PLAA: variants seen among roughly 807,000 people sequenced by gnomAD.
The protein encoded by PLAA is phospholipase A-2-activating protein.
A neutral mutation model predicts 84.1 loss-of-function variants in PLAA; 48 were observed. The observed-to-expected ratio is 0.57, with a 90% CI of 0.45 to 0.73. The LOEUF is 0.73. PLAA is among the 30% of genes least tolerant of loss of function. The pLI, the probability that PLAA is intolerant of heterozygous loss-of-function variation, is 0.00. For synonymous variants in PLAA, 392 were observed against 336.6 expected, an observed-to-expected ratio of 1.16 and a Z score of -1.80; for missense variants, 903 against 954.7, an observed-to-expected ratio of 0.95 and a Z score of 0.71.
chr9:26,935,565 A>G (rs1825331903), intron 1 of PLAA, among the ~76,000 whole-genome samples: 1 of 152,196 alleles, frequency 6.6e-6, no homozygotes, highest in African/African-American at 2.4e-5. Context: ...CGAAACATAC[A>G]TGCAATTAAG....
chr9:26,911,523 G>A (rs546705722), intron 11 of PLAA, among the ~76,000 whole-genome samples: 1 of 152,188 alleles, frequency 6.6e-6, no homozygotes, highest in Non-Finnish European at 1.5e-5. Context: ...TCCTGACTCA[G>A]GTGATCCGCT....
Position 26,923,212 on chromosome 9 carries a change from C to G in PLAA, c.1005G>C (p.Glu335Asp), listed in dbSNP as rs2131386827. 2 of 1,610,464 alleles carry G rather than the reference C, an allele frequency of 1.2e-6. No individual in the cohort carries two copies. Among genetic ancestry groups the G allele is most frequent in the Middle Eastern group, 1.7e-4 (1 of 6,042 alleles). ...KTGDLGDINA[E>D]QLPGREHLNE... ...TAAGATGTTCCCTCCCAGGAAGCTG[C>G]TCAGCATTGATGTCCCCTAAATCGC... is the stretch of plus-strand genomic sequence containing the variant. Residue 335 changes from glutamate to aspartate, a missense_variant, in exon 7 of 14, where the codon GAG becomes GAC. Physicochemically the swap from Glu to Asp is conservative, Grantham distance 45. Transcript: ENST00000397292.
chr9:26,946,770 G>A, intron 1 of PLAA, 127 bp downstream of exon 1: 2 of 1,077,916 alleles, frequency 1.9e-6, no homozygotes, highest in South Asian at 1.7e-5. Flanking sequence ...GAATTGGAAG[G>A]GAGCGGAGAG....
At chr9:26,912,252 C>CATA (rs1240775080) in intron 11 of PLAA, among the ~76,000 whole-genome samples, 1 of 152,120 alleles carries the variant, frequency 6.6e-6, no homozygotes, top group African/African-American at 2.4e-5. Flanking sequence ...AAGGGCAATG[C>CATA]ATAAGTATGC....
rs553056765 is a variant in PLAA, at chr9:26,934,906, T to C, written c.343+107A>G. Reference sequence around the variant, plus strand: ...CGTTTCCATTACCAAACCACAGATATAGGTAAAACAAAATATAATAAAAAC... The same window carrying C: ...CGTTTCCATTACCAAACCACAGATACAGGTAAAACAAAATATAATAAAAAC... On this transcript the variant is annotated intron_variant, in intron 2 of 13. Coordinates refer to ENST00000397292, the MANE Select transcript of PLAA (RefSeq NM_001031689.3). 55 of 814,896 alleles carry C rather than the reference T, an allele frequency of 6.7e-5. 2 individuals are homozygous for C. In the East Asian group the frequency reaches 8.8e-4, roughly 13 times the overall value. 50.5% of individuals were successfully genotyped at this position (814,896 alleles called of 1,614,324 possible).
chr9:26,935,547 T>C (rs1329166882), intron 1 of PLAA, among the ~76,000 whole-genome samples: 1 of 152,174 alleles, frequency 6.6e-6, no homozygotes, highest in Non-Finnish European at 1.5e-5. Flanking sequence ...AAGAAATCCC[T>C]GGTTAAACGA....
chr9:26,931,579 A>G (rs938969277), intron 2 of PLAA, among the ~76,000 whole-genome samples: 2 of 152,198 alleles, frequency 1.3e-5, no homozygotes, highest in Non-Finnish European at 2.9e-5. Flanking sequence ...TTGAATCTGA[A>G]CCTGATAAAG....
chr9:26,937,066 G>A (rs1225692220), intron 1 of PLAA, among the ~76,000 whole-genome samples: 8 of 151,988 alleles, frequency 5.3e-5, no homozygotes, highest in Non-Finnish European at 8.8e-5. Flanking sequence ...GCTTGAACCC[G>A]GGAGGAGAAG....
At chr9:26,906,147 G>C (rs1824230584) in intron 13 of PLAA, 71 bp from the exon 14 acceptor site, 8 of 1,032,156 alleles carry the variant, frequency 7.8e-6, no homozygotes, top group Non-Finnish European at 1.0e-5. Flanking sequence ...GACTTTGAAG[G>C]ATTTTATTTT....
intron 1 of PLAA, among the ~76,000 whole-genome samples, chr9:26,937,114 C>G (rs984214016): frequency 6.6e-6 from 1 of 151,980 alleles, no homozygotes; most frequent in Non-Finnish European, 1.5e-5. Flanking sequence ...GCACTCCAGC[C>G]TGGGGGGACA....
In PLAA at chr9:26,919,510, G is replaced by A. The variant is rs1563910362; in HGVS notation, c.1217C>T (p.Ser406Leu). 6.3e-7 allele frequency: 1 copy of A among 1,596,696 alleles called. No homozygotes were observed. The highest frequency in any genetic ancestry group is 2.2e-5 in the East Asian group (1 of 44,628). Reference protein sequence around the residue: ...YEGKEFDYVFSIDVNEGGPSY... With the variant: ...YEGKEFDYVFLIDVNEGGPSY... ...TGGTCCACCTTCATTGACATCAATT[G>A]AGAAAACATAATCAAATTCCTAAAG... The change falls in exon 9 of 14, where the codon TCA becomes TTA. Residue 406 changes from serine to leucine, a missense_variant. Transcript: ENST00000397292.
intron 2 of PLAA, among the ~76,000 whole-genome samples, chr9:26,931,031 G>T (rs988783193): frequency 6.6e-6 from 1 of 151,962 alleles, no homozygotes; most frequent in Non-Finnish European, 1.5e-5. Flanking sequence ...AGAGCAAGAA[G>T]TGTACAAACT....
At chr9:26,906,218 AT>A in intron 13 of PLAA, 142 bp from the exon 14 acceptor site, 2 of 525,082 alleles carry the variant, frequency 3.8e-6, no homozygotes, top group South Asian at 4.0e-5. Flanking sequence ...TTTAAAAAAA[AT>A]GCATATATTT....
intron 8 of PLAA, 139 bp from the exon 9 acceptor site, chr9:26,919,668 G>A (rs16910888): frequency 1.8e-5 from 10 of 561,182 alleles, no homozygotes; most frequent in African/African-American, 5.6e-5. Flanking sequence ...TAAAATCTTC[G>A]TTTTTGGCAG....
At position 26,920,219 on chromosome 9, in the gene PLAA, C is replaced by T. The variant is rs548381785; in HGVS notation, c.1197+8G>A. ...ACAATAGTAATTAGAAAGTAGAAGT[C>T]GACATACTTTCCCTTCATATAAAAC... On this transcript the variant is annotated splice_region_variant and intron_variant, in intron 8 of 13. Transcript: ENST00000397292. 81 of 1,609,128 alleles carry T rather than the reference C, an allele frequency of 5.0e-5. 1 individual carries two copies. The highest frequency in any genetic ancestry group is 5.0e-4 in the South Asian group (45 of 90,796).
At chr9:26,946,754 G>C (rs1825735256) in intron 1 of PLAA, 143 bp downstream of exon 1, 5 of 991,734 alleles carry the variant, frequency 5.0e-6, no homozygotes, top group Non-Finnish European at 2.9e-6. Context: ...AGTTCTAATA[G>C]TCTGAGAATT....
intron 2 of PLAA, among the ~76,000 whole-genome samples, chr9:26,928,691 T>G (rs1825063588): frequency 6.6e-6 from 1 of 152,208 alleles, no homozygotes; most frequent in Non-Finnish European, 1.5e-5. Context: ...GGAGCGGAAC[T>G]TAAGTGAGCT....
At position 26,905,459 on chromosome 9, in the gene PLAA, G is replaced by A. The variant is rs1043021161; in HGVS notation, c.*52C>T. The A allele has an allele frequency of 1.6e-6, 2 of 1,278,600 alleles. No homozygotes were observed. The highest frequency in any genetic ancestry group is 2.2e-6 in the Non-Finnish European group (2 of 910,394). The allele number at this position is 1,278,600 out of a possible 1,614,324, so 79.2% of individuals were successfully genotyped here. ...TTATCTGTTATCAGTCATGTCAAAT[G>A]TGAGGAAAAAAACACTAATCAATTA... On this transcript the variant is annotated 3_prime_UTR_variant, in exon 14 of 14. Transcript: ENST00000397292.
At chr9:26,940,629 G>A (rs958463071) in intron 1 of PLAA, among the ~76,000 whole-genome samples, 1 of 152,126 alleles carries the variant, frequency 6.6e-6, no homozygotes, top group African/African-American at 2.4e-5. Context: ...AGTTTAAAAT[G>A]GTTAAGATGG....
Sources: gnomAD v4.1 joint callset for allele counts (sites outside exome capture counted in the v4.1 genomes callset) on GRCh38, gnomAD v4.1.1 for gene constraint, MANE v1.5 for transcripts, NCBI Gene and HGNC (gene_info 2026-07-23, HGNC 2026-07-21) for gene names.